PAPOLA: variants seen among roughly 807,000 people sequenced by gnomAD.
PAPOLA encodes polynucleotide adenylyltransferase alpha.
PAPOLA carries 15 observed loss-of-function variants against 100.6 expected under a neutral mutation model. The ratio of observed to expected loss-of-function variants is 0.15; its 90% CI spans 0.10 to 0.23. PAPOLA has a LOEUF of 0.23. PAPOLA is among the 10% of genes least tolerant of loss of function. The pLI is 1.00. For missense variants in PAPOLA, 533 were observed against 884.2 expected (o/e 0.60, Z 5.04); for synonymous variants, 293 against 300.0 (o/e 0.98, Z 0.24).
At chr14:96,534,235 C>T (rs1020379077) in intron 9 of PAPOLA, 1 of 1,299,414 alleles carries the variant, frequency 7.7e-7, no homozygotes, top group Non-Finnish European at 9.8e-7. Flanking sequence ...TTTAAATAGT[C>T]CTTTAAAGTT....
At chr14:96,510,315 ACT>A (rs750683842) in intron 1 of PAPOLA, among the ~76,000 whole-genome samples, 1 of 150,852 alleles carries the variant, frequency 6.6e-6, no homozygotes, top group Non-Finnish European at 1.5e-5. Context: ...ACATTTTCAC[ACT>A]CTTTCGTACT....
At chr14:96,519,141 C>G (rs1038181622) in intron 1 of PAPOLA, among the ~76,000 whole-genome samples, 5 of 150,824 alleles carry the variant, frequency 3.3e-5, no homozygotes, top group African/African-American at 1.2e-4. Context: ...GTTATCCAGG[C>G]TGGCCTCAAC....
At chr14:96,508,151 C>T (rs1015179392) in intron 1 of PAPOLA, among the ~76,000 whole-genome samples, 7 of 152,176 alleles carry the variant, frequency 4.6e-5, no homozygotes, top group African/African-American at 1.7e-4. Context: ...GCTGGGATTA[C>T]AGGCCCACCA....
intron 16 of PAPOLA, among the ~76,000 whole-genome samples, chr14:96,551,032 G>A (rs1287899453): frequency 2.0e-5 from 3 of 152,172 alleles, no homozygotes; most frequent in African/African-American, 4.8e-5. Context: ...AAGTATGTGT[G>A]TGTGTTTCTT....
intron 3 of PAPOLA, among the ~76,000 whole-genome samples, chr14:96,521,714 A>G (rs1386216352): frequency 1.3e-5 from 2 of 152,160 alleles, no homozygotes; most frequent in Admixed American, 1.3e-4. Flanking sequence ...CCTAGCCTCA[A>G]GCAGTCCTCT....
intron 15 of PAPOLA, 126 bp downstream of exon 15, chr14:96,544,384 A>G (rs1900222127): frequency 5.0e-6 from 3 of 600,470 alleles, no homozygotes; most frequent in East Asian, 5.6e-5. Context: ...TATCATCAGA[A>G]TAATGGTTTT....
chr14:96,538,297 G>A (rs573447406), intron 12 of PAPOLA, among the ~76,000 whole-genome samples: 62 of 152,020 alleles, frequency 4.1e-4, no homozygotes, highest in African/African-American at 1.3e-3. Context: ...ATTCACTTTC[G>A]TATAGGACTG....
At position 96,560,632 on chromosome 14, in the gene PAPOLA, T is replaced by G; in HGVS notation, c.2005-17T>G. The G allele has an allele frequency of 1.9e-6, 3 of 1,574,918 alleles. No homozygotes were observed. The highest frequency in any genetic ancestry group is 2.6e-6 in the Non-Finnish European group (3 of 1,151,498). The stretch of plus-strand genomic sequence containing the variant: ...ATTTTTCATTTTAGAGAATAAAGCT[T>G]TTTTTTTTAAAAACAGGATGAAACA... On this transcript the variant is annotated splice_polypyrimidine_tract_variant and intron_variant, in intron 19 of 21. Coordinates refer to ENST00000216277, the MANE Select transcript of PAPOLA (RefSeq NM_032632.5).
chr14:96,531,726 A>G, intron 7 of PAPOLA, 140 bp downstream of exon 7: 1 of 1,502,328 alleles, frequency 6.7e-7, no homozygotes, highest in Non-Finnish European at 8.8e-7. Flanking sequence ...TTTGCCTAAT[A>G]AACTACAGAA....
At chr14:96,559,552 T>TCA in intron 19 of PAPOLA, among the ~76,000 whole-genome samples, 2 of 96,054 alleles carry the variant, frequency 2.1e-5, no homozygotes, top group Non-Finnish European at 4.2e-5. Flanking sequence ...TAAATTAACC[T>TCA]CTCTCTCTCT....
chr14:96,544,133 A>T lies in PAPOLA; in HGVS notation c.1290-16A>T. 5 of 1,333,566 alleles carry T rather than the reference A, an allele frequency of 3.7e-6. No individual in the cohort carries two copies. Among genetic ancestry groups the T allele is most frequent in the Non-Finnish European group, 4.3e-6 (4 of 928,168 alleles). 82.6% of individuals were successfully genotyped at this position (1,333,566 alleles called of 1,614,324 possible). ...CATGAAATCCAGATAAACTATGGTAATGCTCTTCTTTGCAGGGAAGAATTT... is the reference window on the plus strand; with the variant it reads ...CATGAAATCCAGATAAACTATGGTATTGCTCTTCTTTGCAGGGAAGAATTT... On this transcript the variant is annotated splice_polypyrimidine_tract_variant and intron_variant, in intron 14 of 21. Transcript: ENST00000216277.
At chr14:96,545,887 G>C (rs555472299) in intron 15 of PAPOLA, among the ~76,000 whole-genome samples, 130 of 152,104 alleles carry the variant, frequency 8.5e-4, no homozygotes, top group African/African-American at 3.0e-3. Flanking sequence ...ATAAGTCACG[G>C]ATACTTACCT....
At chr14:96,527,138 T>TCTCG in intron 4 of PAPOLA, 1 of 365,724 alleles carries the variant, frequency 2.7e-6, no homozygotes, top group South Asian at 4.1e-5. Context: ...GTTGGGTGTA[T>TCTCG]GTTTGAATAA....
chr14:96,518,098 TGTGA>T (rs1715313895), intron 1 of PAPOLA, among the ~76,000 whole-genome samples: 2 of 152,212 alleles, frequency 1.3e-5, no homozygotes, highest in South Asian at 4.1e-4. Flanking sequence ...AACGATCTAA[TGTGA>T]ATTAATTTCT....
Position 96,536,009 on chromosome 14 carries a change from T to C in PAPOLA, c.1030+10T>C. The C allele has an allele frequency of 6.3e-7, 1 of 1,586,704 alleles. No homozygotes were observed. Among genetic ancestry groups the C allele is most frequent in the South Asian group, 1.2e-5 (1 of 85,874 alleles). On this transcript the variant is annotated intron_variant, in intron 11 of 21. Transcript: ENST00000216277. The stretch of plus-strand genomic sequence containing the variant: ...GAGGAGTTTAAACAAGGTAAGTGTT[T>C]ATCCTTATGCTCTGATTTATACAGG...
chr14:96,522,352 C>G (rs1448695322), intron 3 of PAPOLA, among the ~76,000 whole-genome samples: 1 of 151,826 alleles, frequency 6.6e-6, no homozygotes, highest in Middle Eastern at 3.2e-3. Context: ...CTTTTGGTCT[C>G]AAGTGATCTG....
intron 1 of PAPOLA, among the ~76,000 whole-genome samples, chr14:96,512,799 C>T (rs1340935768): frequency 3.3e-5 from 5 of 152,312 alleles, no homozygotes; most frequent in African/African-American, 1.2e-4. Flanking sequence ...ATACTCTGCT[C>T]AGTGAACAAC....
At chr14:96,554,688 T>C (rs1901147718) in intron 17 of PAPOLA, among the ~76,000 whole-genome samples, 1 of 152,182 alleles carries the variant, frequency 6.6e-6, no homozygotes, top group Non-Finnish European at 1.5e-5. Flanking sequence ...CTTTTGTTTT[T>C]CTTTTAGGAG....
Position 96,532,365 on chromosome 14 carries a change from A to G in PAPOLA, c.642A>G (p.Val214=), listed in dbSNP as rs747034610. The G allele has an allele frequency of 1.9e-6, 3 of 1,613,162 alleles. No homozygotes were observed. The highest frequency in any genetic ancestry group is 2.5e-6 in the Non-Finnish European group (3 of 1,179,836). The part of the protein sequence containing the change: ...CRVTDEILHL[V]PNIDNFRLTL... ...TAACCGATGAAATTTTACATCTAGT[A>G]CCAAACATTGACAACTTCAGGTTAA... is the stretch of plus-strand genomic sequence containing the variant. Residue 214 remains valine (V), a synonymous_variant, in exon 8 of 22, where the codon GTA becomes GTG. Coordinates refer to ENST00000216277, the MANE Select transcript of PAPOLA (RefSeq NM_032632.5).
Sources: allele counts gnomAD v4.1 joint callset (sites outside exome capture counted in the v4.1 genomes callset), GRCh38; gene constraint gnomAD v4.1.1; transcripts MANE v1.5; gene names NCBI Gene and HGNC (gene_info 2026-07-23, HGNC 2026-07-21).